The following TRPM3 variants were observed in gnomAD, a reference collection of about 807,000 sequenced individuals.
TRPM3 encodes the protein transient receptor potential cation channel subfamily M member 3.
Under a neutral mutation model 181.2 loss-of-function variants are expected in TRPM3, and 77 were observed. The ratio of observed to expected loss-of-function variants is 0.42; its 90% CI spans 0.35 to 0.51. The LOEUF (loss-of-function observed/expected upper bound fraction) is 0.51, where lower values mean the gene tolerates loss of function less well. TRPM3 is among the 20% of genes least tolerant of loss of function. The pLI is 0.01. For synonymous variants in TRPM3, 745 were observed against 796.4 expected (o/e 0.94, Z 1.09); for missense variants, 1,759 against 2,196.7 (o/e 0.80, Z 3.98).
rs534198033 is a variant in TRPM3, at chr9:71,440,099, G to T, written c.183+6554C>A. Among the ~76,000 whole-genome samples, 642 of 152,030 alleles carry T rather than the reference G, an allele frequency of 4.2e-3. 3 individuals are homozygous for T. Among genetic ancestry groups the T allele is most frequent in the African/African-American group, 0.015 (619 of 41,438 alleles). ...GATTGAGCCACTGCACTCCAGCCTGGGTGACACAATGAGACTCCATCTCAA... is the reference window on the plus strand; with the variant it reads ...GATTGAGCCACTGCACTCCAGCCTGTGTGACACAATGAGACTCCATCTCAA... On this transcript the variant is annotated intron_variant, in intron 1 of 24. Transcript: ENST00000357533.
intron 9 of TRPM3, among the ~76,000 whole-genome samples, chr9:70,673,026 T>C (rs1255976278): frequency 6.6e-6 from 1 of 152,160 alleles, no homozygotes; most frequent in African/African-American, 2.4e-5. Context: ...AAGCCTAATG[T>C]ATGCAATGTA....
Position 70,553,010 on chromosome 9 carries a change from G to T in TRPM3, c.3408C>A (p.Asn1136Lys). Reference sequence around the variant, plus strand: ...GATACCTCTGAAACTTCCAGACTTGGTTGGATATCGATTTTACTTCAAAAA... The same window carrying T: ...GATACCTCTGAAACTTCCAGACTTGTTTGGATATCGATTTTACTTCAAAAA... ...NTFFEVKSISNQVWKFQRYQL... is the reference protein window; with the variant it reads ...NTFFEVKSISKQVWKFQRYQL... Residue 1136 changes from asparagine (N) to lysine (K), a missense_variant, in exon 24 of 26, where the codon AAC becomes AAA. Asn to Lys is a moderately conservative substitution (Grantham distance 94, BLOSUM62 0). Transcript: ENST00000677713. 6.2e-7 allele frequency: 1 copy of T among 1,614,180 alleles called. No homozygotes were observed. The highest frequency in any genetic ancestry group is 8.5e-7 in the Non-Finnish European group (1 of 1,180,028).
intron 8 of TRPM3, among the ~76,000 whole-genome samples, chr9:70,739,185 C>G (rs2073435483): frequency 6.6e-6 from 1 of 152,100 alleles, no homozygotes; most frequent in Non-Finnish European, 1.5e-5. Context: ...AAAAGGAAAA[C>G]TACAGACCGA....
chr9:71,401,249 C>T (rs1388541204), intron 1 of TRPM3, among the ~76,000 whole-genome samples: 1 of 147,660 alleles, frequency 6.8e-6, no homozygotes, highest in Non-Finnish European at 1.5e-5. Flanking sequence ...CCTCTGCTTT[C>T]AAGGAACTTA....
intron 1 of TRPM3, among the ~76,000 whole-genome samples, chr9:71,036,705 G>C (rs980518360): frequency 6.6e-6 from 1 of 152,196 alleles, no homozygotes; most frequent in Non-Finnish European, 1.5e-5. Context: ...GGCCAAGTTT[G>C]CATTAGTCTG....
At chr9:70,599,954 C>G (rs1038466223) in intron 20 of TRPM3, among the ~76,000 whole-genome samples, 1 of 152,106 alleles carries the variant, frequency 6.6e-6, no homozygotes, top group Non-Finnish European at 1.5e-5. Flanking sequence ...CCCTTTGTAC[C>G]CCAGGCCTGT....
intron 1 of TRPM3, among the ~76,000 whole-genome samples, chr9:71,100,800 C>G (rs2134048170): frequency 6.6e-6 from 1 of 152,224 alleles, no homozygotes; most frequent in African/African-American, 2.4e-5. Context: ...TGCAAGAAAA[C>G]CCCTTTGCCT....
chr9:70,807,185 T>C (rs1434267253), intron 6 of TRPM3, among the ~76,000 whole-genome samples: 1 of 152,212 alleles, frequency 6.6e-6, no homozygotes. Flanking sequence ...CCATGGGCAA[T>C]TATCATTTTG....
chr9:70,912,137 C>T (rs538753018), intron 1 of TRPM3, among the ~76,000 whole-genome samples: 219 of 152,046 alleles, frequency 1.4e-3, no homozygotes, highest in African/African-American at 5.0e-3. Context: ...AGTTTTGTGG[C>T]CAGTATAGAC....
rs1438584217 is a variant in TRPM3, at chr9:71,121,205, G to GGCT, written c.147_149dup (p.Ala50dup). ...TCAGAAGTCTGACAGATGGAAGAAA[G>GGCT]GCTGCGTGGCACAGCTTCCGGATGG... is the stretch of plus-strand genomic sequence containing the variant. On this transcript the variant is annotated inframe_insertion, in exon 1 of 26. Coordinates refer to ENST00000677713, the MANE Select transcript of TRPM3 (RefSeq NM_001366145.2). 24 of 1,614,042 alleles carry GGCT rather than the reference G, an allele frequency of 1.5e-5. No individual in the cohort carries two copies. Among genetic ancestry groups the GGCT allele is most frequent in the Non-Finnish European group, 2.0e-5 (24 of 1,179,934 alleles).
intron 1 of TRPM3, among the ~76,000 whole-genome samples, chr9:70,987,096 GTAT>G (rs2097429182): frequency 6.6e-6 from 1 of 151,894 alleles, no homozygotes; most frequent in South Asian, 2.1e-4. Flanking sequence ...AATGCGTAAT[GTAT>G]TATTTATCTC....
intron 8 of TRPM3, among the ~76,000 whole-genome samples, chr9:70,685,904 T>A (rs775236482): frequency 6.6e-6 from 1 of 151,772 alleles, no homozygotes; most frequent in Non-Finnish European, 1.5e-5. Flanking sequence ...GTCATTTTCG[T>A]TCATTTTTAA....
chr9:70,851,750 G>T (rs1441704089), intron 3 of TRPM3, among the ~76,000 whole-genome samples: 1 of 152,136 alleles, frequency 6.6e-6, no homozygotes. Flanking sequence ...AAGAAAGGGA[G>T]ACAGTAGGTG....
intron 9 of TRPM3, among the ~76,000 whole-genome samples, chr9:70,651,891 T>A (rs1309315886): frequency 6.6e-6 from 1 of 152,122 alleles, no homozygotes; most frequent in Non-Finnish European, 1.5e-5. Context: ...GATCAAAGCT[T>A]TGCATTAGTA....
intron 1 of TRPM3, among the ~76,000 whole-genome samples, chr9:71,210,678 T>TACA (rs549398655): frequency 5.7e-4 from 87 of 152,214 alleles, no homozygotes; most frequent in Non-Finnish European, 1.1e-3. Context: ...TGTTGTTCTC[T>TACA]ACACAGTTGG....
At chr9:70,752,250 G>A (rs1032274175) in intron 8 of TRPM3, among the ~76,000 whole-genome samples, 1 of 152,120 alleles carries the variant, frequency 6.6e-6, no homozygotes, top group Non-Finnish European at 1.5e-5. Flanking sequence ...AGACAAGTAG[G>A]GAAGCCAGAA....
intron 8 of TRPM3, among the ~76,000 whole-genome samples, chr9:70,693,138 T>A (rs769219227): frequency 1.6e-4 from 25 of 152,226 alleles, no homozygotes; most frequent in Non-Finnish European, 3.4e-4. Context: ...TGGAACTAGA[T>A]GACAACGTGT....
At chr9:70,832,534 G>A (rs1436284724) in intron 5 of TRPM3, among the ~76,000 whole-genome samples, 1 of 152,092 alleles carries the variant, frequency 6.6e-6, no homozygotes, top group African/African-American at 2.4e-5. Flanking sequence ...AAACAAAGAG[G>A]CCCTCTGAAG....
At chr9:71,250,562 A>G (rs1373945180) in intron 1 of TRPM3, among the ~76,000 whole-genome samples, 1 of 152,196 alleles carries the variant, frequency 6.6e-6, no homozygotes, top group Non-Finnish European at 1.5e-5. Flanking sequence ...TACTGAGTAT[A>G]TATTTCTTAT....
Sources: allele counts gnomAD v4.1 joint callset (sites outside exome capture counted in the v4.1 genomes callset), GRCh38; gene constraint gnomAD v4.1.1; transcripts MANE v1.5; gene names NCBI Gene and HGNC (gene_info 2026-07-23, HGNC 2026-07-21).